EYS: variants seen among roughly 807,000 people sequenced by gnomAD.
EYS encodes protein eyes shut homolog.
EYS carries 250 observed loss-of-function variants against 282.1 expected under a neutral mutation model. The observed-to-expected ratio is 0.89, with a 90% CI of 0.80 to 0.98. EYS has a LOEUF of 0.98. EYS is among the 50% of genes least tolerant of loss of function. The probability of loss-of-function intolerance (pLI) is 0.00; values close to 1 mark genes in which losing one functional copy is unlikely to be tolerated. For synonymous variants in EYS, 1,355 were observed against 1,282.9 expected, an observed-to-expected ratio of 1.06 and a Z score of -1.20; for missense variants, 4,016 against 3,709.0, an observed-to-expected ratio of 1.08 and a Z score of -2.15.
intron 33 of EYS, among the ~76,000 whole-genome samples, chr6:64,001,011 C>T (rs1202188697): frequency 6.6e-6 from 1 of 152,186 alleles, no homozygotes; most frequent in Non-Finnish European, 1.5e-5. Context: ...TCACATAAAT[C>T]ATTTGAGGAA....
chr6:64,217,582 A>G (rs1765972736), intron 31 of EYS, among the ~76,000 whole-genome samples: 1 of 152,038 alleles, frequency 6.6e-6, no homozygotes, highest in Admixed American at 6.6e-5. Flanking sequence ...AATCCTCAAG[A>G]GTGGATTCAT....
intron 24 of EYS, among the ~76,000 whole-genome samples, chr6:64,610,224 A>G (rs997279366): frequency 2.0e-5 from 3 of 152,082 alleles, no homozygotes; most frequent in Non-Finnish European, 4.4e-5. Flanking sequence ...GAGTCAATAT[A>G]TGACATTAAA....
At chr6:64,095,794 A>G (rs1418943665) in intron 31 of EYS, among the ~76,000 whole-genome samples, 6 of 152,184 alleles carry the variant, frequency 3.9e-5, no homozygotes, top group Non-Finnish European at 8.8e-5. Flanking sequence ...TGATCCTGTC[A>G]TTATGATGTT....
chr6:65,225,870 C>T (rs912101834), intron 12 of EYS, among the ~76,000 whole-genome samples: 4 of 151,810 alleles, frequency 2.6e-5, no homozygotes, highest in Admixed American at 1.3e-4. Context: ...CAAGAAACTA[C>T]GAATACAAGG....
At chr6:63,765,653 A>G (rs1208045136) in intron 40 of EYS, among the ~76,000 whole-genome samples, 1 of 151,932 alleles carries the variant, frequency 6.6e-6, no homozygotes, top group Non-Finnish European at 1.5e-5. Context: ...AAACAATCCA[A>G]TTATACTTCC....
chr6:64,283,587 T>G (rs1768387966), intron 30 of EYS, among the ~76,000 whole-genome samples: 1 of 152,190 alleles, frequency 6.6e-6, no homozygotes, highest in Non-Finnish European at 1.5e-5. Context: ...TCTAGTCTAT[T>G]AGAAGTAACT....
In EYS at chr6:64,807,678, C is replaced by T. The variant is rs114848487; in HGVS notation, c.3443+5700G>A. ...ACTTAAATGTTTGGATTGCCTAAAA[C>T]ATACATTACTAAAAATAAGTTTAGG... On this transcript the variant is annotated intron_variant, in intron 22 of 42. Transcript: ENST00000503581. 4.6e-3 allele frequency among the ~76,000 whole-genome samples: 702 copies of T among 152,172 alleles called. 4 individuals carry two copies. The highest frequency in any genetic ancestry group is 0.016 in the African/African-American group (661 of 41,542).
chr6:64,126,189 C>A (rs1181401805), intron 31 of EYS, among the ~76,000 whole-genome samples: 1 of 151,894 alleles, frequency 6.6e-6, no homozygotes, highest in Non-Finnish European at 1.5e-5. Context: ...TTTGACCCAG[C>A]GATCCCATTA....
At chr6:65,317,528 A>G (rs1473660009) in intron 11 of EYS, among the ~76,000 whole-genome samples, 1 of 152,174 alleles carries the variant, frequency 6.6e-6, no homozygotes, top group East Asian at 1.9e-4. Flanking sequence ...GCTGTGAAAC[A>G]AATTACTCCA....
intron 26 of EYS, among the ~76,000 whole-genome samples, chr6:64,551,548 T>C (rs1390577025): frequency 6.7e-6 from 1 of 150,248 alleles, no homozygotes; most frequent in East Asian, 2.0e-4. Context: ...TTTTTTTTTT[T>C]TTTTTTGAGA....
chr6:64,306,631 C>T (rs1769455379), intron 30 of EYS, among the ~76,000 whole-genome samples: 1 of 152,126 alleles, frequency 6.6e-6, no homozygotes, highest in Admixed American at 6.5e-5. Flanking sequence ...TGTATTTTAG[C>T]ACTCCACACA....
In EYS at chr6:64,025,023, C is replaced by G. The variant is rs116173313; in HGVS notation, c.6726-25840G>C. Among the ~76,000 whole-genome samples the G allele has an allele frequency of 1.9e-3, 285 of 152,226 alleles. 1 individual carries two copies. Among genetic ancestry groups the G allele is most frequent in the African/African-American group, 6.6e-3 (274 of 41,526 alleles). ...ATGTGGTGAGACCATCGCCTATTGC[C>G]GAGCAGTGAGACAATTGCCTATCAC... On this transcript the variant is annotated intron_variant, in intron 33 of 42. Transcript: ENST00000503581.
At chr6:65,583,808 G>A (rs114212538) in intron 2 of EYS, among the ~76,000 whole-genome samples, 2,976 of 151,994 alleles carry the variant, frequency 0.02, 98 homozygotes, top group African/African-American at 0.068. Flanking sequence ...CAGTTTACAT[G>A]AGTGGACAAT....
At chr6:64,560,926 G>T (rs1765374974) in intron 26 of EYS, among the ~76,000 whole-genome samples, 2 of 152,076 alleles carry the variant, frequency 1.3e-5, no homozygotes, top group South Asian at 4.1e-4. Flanking sequence ...GATGCACATT[G>T]ATGCAAGTAT....
At chr6:64,368,434 T>G (rs2150412204) in intron 29 of EYS, among the ~76,000 whole-genome samples, 1 of 152,272 alleles carries the variant, frequency 6.6e-6, no homozygotes, top group Non-Finnish European at 1.5e-5. Context: ...TAGAATGATT[T>G]ATATTCTTCT....
chr6:65,395,343 G>A (rs554960673), intron 7 of EYS, among the ~76,000 whole-genome samples: 33 of 152,284 alleles, frequency 2.2e-4, no homozygotes, highest in African/African-American at 7.2e-4. Context: ...GATTACAGGC[G>A]TGAGCCACTG....
chr6:65,350,233 AGGT>A (rs1770547773), intron 9 of EYS, among the ~76,000 whole-genome samples: 1 of 151,532 alleles, frequency 6.6e-6, no homozygotes, highest in Admixed American at 6.6e-5. Flanking sequence ...GAAGACTTGA[AGGT>A]AGAACAATAT....
chr6:64,518,286 A>C (rs918291660), intron 26 of EYS, among the ~76,000 whole-genome samples: 6 of 151,738 alleles, frequency 4.0e-5, no homozygotes, highest in African/African-American at 1.5e-4. Flanking sequence ...CCTGCTAATA[A>C]AACCTTCAGA....
chr6:64,896,520 C>G (rs1767472792), intron 18 of EYS, among the ~76,000 whole-genome samples: 1 of 150,958 alleles, frequency 6.6e-6, no homozygotes, highest in African/African-American at 2.4e-5. Flanking sequence ...TTTGGGCAGA[C>G]ATTGAGCTAG....
Sources: gnomAD v4.1 joint callset for allele counts (sites outside exome capture counted in the v4.1 genomes callset) on GRCh38, gnomAD v4.1.1 for gene constraint, MANE v1.5 for transcripts, NCBI Gene and HGNC (gene_info 2026-07-23, HGNC 2026-07-21) for gene names.